Variants in GHRHR observed in about 807,000 individuals in gnomAD.
GHRHR encodes growth hormone-releasing hormone receptor.
A neutral mutation model predicts 58.3 loss-of-function variants in GHRHR; 40 were observed. The ratio of observed to expected loss-of-function variants is 0.69; its 90% CI spans 0.53 to 0.89. The LOEUF is 0.89. Ranked by LOEUF, GHRHR falls within the 40% of genes least tolerant of loss-of-function variation. The pLI, the probability that GHRHR is intolerant of heterozygous loss-of-function variation, is 0.00. For synonymous variants in GHRHR, 249 were observed against 216.6 expected, an observed-to-expected ratio of 1.15 and a Z score of -1.31; for missense variants, 551 against 541.3, an observed-to-expected ratio of 1.02 and a Z score of -0.18.
Position 30,968,942 on chromosome 7 carries a change from G to A in GHRHR, c.160+6G>A. ...GATGCCCAACACCACCCTGGGTATG[G>A]GGCCTAGGAGGCAGGTGGTGGCTTC... is the stretch of plus-strand genomic sequence containing the variant. On this transcript the variant is annotated splice_donor_region_variant and intron_variant, in intron 2 of 12. Coordinates refer to ENST00000326139, the MANE Select transcript of GHRHR (RefSeq NM_000823.4). The A allele has an allele frequency of 1.2e-6, 2 of 1,600,612 alleles. No homozygotes were observed. The highest frequency in any genetic ancestry group is 1.7e-6 in the Non-Finnish European group (2 of 1,167,874).
At chr7:30,977,482 T>C (rs1179336624) in intron 12 of GHRHR, among the ~76,000 whole-genome samples, 160 bp downstream of exon 12, 8 of 152,222 alleles carry the variant, frequency 5.3e-5, no homozygotes, top group Non-Finnish European at 1.2e-4. Flanking sequence ...TGGATCAAGC[T>C]GAACCGGAAT....
In GHRHR at chr7:30,977,023, T is replaced by G. The variant is rs1036014849; in HGVS notation, c.1105-258T>G. Among the ~76,000 whole-genome samples, 3 of 152,308 alleles carry G rather than the reference T, an allele frequency of 2.0e-5. No homozygotes were observed. In the East Asian group the frequency reaches 5.8e-4, roughly 29 times the overall value. On this transcript the variant is annotated intron_variant, in intron 11 of 12. Transcript: ENST00000326139. ...ATCCCCTATTATGTGCCAAGTGTTG[T>G]GCTCATTCACAAGGGATGCAGAAAT...
intron 6 of GHRHR, among the ~76,000 whole-genome samples, chr7:30,972,669 A>C (rs578018675): frequency 1.3e-5 from 2 of 152,330 alleles, no homozygotes; most frequent in African/African-American, 4.8e-5. Context: ...GACCTGGGCC[A>C]TGTCCAAGAA....
rs749688300 is a variant in GHRHR, at chr7:30,969,925, T to C, written c.327T>C (p.Pro109=). The C allele has an allele frequency of 8.4e-6, 13 of 1,542,604 alleles. No individual in the cohort carries two copies. In the Admixed American group the frequency reaches 2.2e-4, roughly 26 times the overall value. ...TGWSEPFPPY[P]VACPVPLELL... ...GGTCTGAGCCCTTTCCACCTTACCC[T>C]GTGGCCTGCCCTGTGCCTCTGGAGC... Residue 109 remains proline (P), a synonymous_variant, in exon 4 of 13, where the codon CCT becomes CCC. Transcript: ENST00000326139.
Position 30,974,052 on chromosome 7 carries a change from C to A in GHRHR, c.665C>A (p.Ala222Glu), listed in dbSNP as rs121918120. The change falls in exon 7 of 13, where the codon GCA becomes GAA. Residue 222 changes from alanine to glutamate, a missense_variant. Physicochemically the swap from Ala to Glu is moderately radical, Grantham distance 107 (BLOSUM62 -1). Coordinates refer to ENST00000326139, the MANE Select transcript of GHRHR (RefSeq NM_000823.4). ...ATGACCAACTTCAGCTGGCTGTTGG[C>A]AGAAGCCGTCTACCTGAACTGCCTC... ...ATMTNFSWLL[A>E]EAVYLNCLLA... 16 of 1,613,976 alleles carry A rather than the reference C, an allele frequency of 9.9e-6. No homozygotes were observed. In the South Asian group the frequency reaches 1.8e-4, roughly 18 times the overall value.
chr7:30,979,082 G>A, intron 12 of GHRHR, 37 bp from the exon 13 acceptor site: 1 of 1,608,484 alleles, frequency 6.2e-7, no homozygotes, highest in Non-Finnish European at 8.5e-7. Context: ...AAAGCCACAG[G>A]GGGACCTTCC....
rs368404708 is a variant in GHRHR, at chr7:30,968,953, G to A, written c.160+17G>A. 2.3e-5 allele frequency: 37 copies of A among 1,583,324 alleles called. No homozygotes were observed. The highest frequency in any genetic ancestry group is 3.1e-5 in the Non-Finnish European group (36 of 1,152,166). On this transcript the variant is annotated intron_variant, in intron 2 of 12. Transcript: ENST00000326139. ...CCACCCTGGGTATGGGGCCTAGGAG[G>A]CAGGTGGTGGCTTCTCTGATTCCTT...
At chr7:30,969,827 G>C (rs1792442765) in intron 3 of GHRHR, 40 bp from the exon 4 acceptor site, 1 of 1,609,210 alleles carries the variant, frequency 6.2e-7, no homozygotes, top group Non-Finnish European at 8.5e-7. Flanking sequence ...CCTGGGGAGA[G>C]GGAAGGAGTT....
intron 12 of GHRHR, among the ~76,000 whole-genome samples, chr7:30,978,861 G>A (rs952034700): frequency 2.0e-5 from 3 of 152,180 alleles, no homozygotes; most frequent in African/African-American, 7.2e-5. Context: ...ACCTATAAAT[G>A]TCTTTAACTG....
rs1443900412 is a variant in GHRHR at position 30,975,867 on chromosome 7, T to A, written c.973T>A (p.Trp325Arg). The change falls in exon 10 of 13, where the codon TGG becomes AGG. Residue 325 changes from tryptophan to arginine, a missense_variant and splice_region_variant. Transcript: ENST00000326139. ...QGSLHTQSQYWRLSKSTLFLI... is the reference protein window; with the variant it reads ...QGSLHTQSQYRRLSKSTLFLI... ...CAGCCTCCATACCCAGTCTCAGTAT[T>A]GGTACTGTGTGTTTGTGTCTGGGGA... 6.5e-7 allele frequency: 1 copy of A among 1,549,052 alleles called. No homozygotes were observed. Among genetic ancestry groups the A allele is most frequent in the Non-Finnish European group, 8.9e-7 (1 of 1,120,514 alleles).
intron 4 of GHRHR, 96 bp from the exon 5 acceptor site, chr7:30,971,023 G>T (rs907764277): frequency 3.2e-5 from 23 of 715,486 alleles, no homozygotes; most frequent in Admixed American, 2.4e-4. Flanking sequence ...GAGTGTTGGG[G>T]TGGAATGGCA....
At chr7:30,967,797 CACTT>C (rs1792389198) in intron 1 of GHRHR, among the ~76,000 whole-genome samples, 1 of 152,302 alleles carries the variant, frequency 6.6e-6, no homozygotes, top group Middle Eastern at 3.4e-3. Context: ...TCTTCTCTCT[CACTT>C]ACTAAGCTAC....
At chr7:30,975,924 A>G (rs1199104555) in intron 10 of GHRHR, 56 bp downstream of exon 10, 6 of 969,836 alleles carry the variant, frequency 6.2e-6, no homozygotes, top group Non-Finnish European at 1.0e-5. Flanking sequence ...GGGGGATTCA[A>G]TGTGTCTGTC....
In GHRHR at chr7:30,969,213, C is replaced by T. The variant is rs34284452; in HGVS notation, c.268+43C>T. On this transcript the variant is annotated intron_variant, in intron 3 of 12. Coordinates refer to ENST00000326139, the MANE Select transcript of GHRHR (RefSeq NM_000823.4). ...TGGCGGTGGGAAAGGGAGGTGCTTT[C>T]ATCTGGAAGTGGCAGAATCATCACT... is the stretch of plus-strand genomic sequence containing the variant. 101 of 1,293,920 alleles carry T rather than the reference C, an allele frequency of 7.8e-5. No homozygotes were observed. The East Asian group carries it at 2.3e-3, about 30-fold the overall frequency. The allele number at this position is 1,293,920 out of a possible 1,614,324, so 80.2% of individuals were successfully genotyped here. A position where few individuals can be genotyped will look rare whatever the true frequency, so the allele number is the denominator to read the frequency against.
Position 30,974,098 on chromosome 7 carries a change from C to G in GHRHR, c.711C>G (p.Ser237Arg), listed in dbSNP as rs1305230994. Residue 237 changes from serine (S) to arginine (R), a missense_variant, in exon 7 of 13, where the codon AGC becomes AGG. Ser to Arg is a moderately radical substitution (Grantham distance 110). Transcript: ENST00000326139. ...GCCTCCTGGCCTCCACCTCCCCCAG[C>G]TCAAGGAGAGCCTTCTGGTGGCTGG... ...LNCLLASTSP[S>R]SRRAFWWLVL... is the part of the protein sequence containing the mutation. 6.2e-7 allele frequency: 1 copy of G among 1,614,188 alleles called. No homozygotes were observed. The highest frequency in any genetic ancestry group is 2.2e-5 in the East Asian group (1 of 44,876).
chr7:30,970,075 C>G, intron 4 of GHRHR, 111 bp downstream of exon 4: 1 of 759,878 alleles, frequency 1.3e-6, no homozygotes, highest in South Asian at 1.4e-5. Context: ...ATACTACTTA[C>G]AGCAGTTTTC....
At chr7:30,976,670 C>A (rs1166975975) in intron 11 of GHRHR, 112 bp downstream of exon 11, 4 of 885,284 alleles carry the variant, frequency 4.5e-6, no homozygotes, top group Non-Finnish European at 7.2e-6. Flanking sequence ...GTTTTTCATC[C>A]ATCTATTCAA....
intron 4 of GHRHR, 88 bp from the exon 5 acceptor site, chr7:30,971,031 G>C (rs1792469755): frequency 1.4e-6 from 1 of 724,128 alleles, no homozygotes. Flanking sequence ...GGGTGGAATG[G>C]CAAAGGCTTC....
Position 30,967,406 on chromosome 7 carries a change from A to C in GHRHR, c.58-1428A>C, listed in dbSNP as rs535969889. Among the ~76,000 whole-genome samples, 51 of 152,332 alleles carry C rather than the reference A, an allele frequency of 3.3e-4. No individual in the cohort carries two copies. In the East Asian group the frequency reaches 9.5e-3, roughly 28 times the overall value. ...CCCAAAAAAACCCCAACTTGTTTCC[A>C]GCTTCCAGAGATCATTTCTCATGGC... On this transcript the variant is annotated intron_variant, in intron 1 of 12. Transcript: ENST00000326139.
Sources: allele counts gnomAD v4.1 joint callset (sites outside exome capture counted in the v4.1 genomes callset), GRCh38; gene constraint gnomAD v4.1.1; transcripts MANE v1.5; gene names NCBI Gene and HGNC (gene_info 2026-07-23, HGNC 2026-07-21).